The following STK31 variants were observed in gnomAD, a reference collection of about 807,000 sequenced individuals.
The protein encoded by STK31 is serine/threonine-protein kinase 31.
In STK31, 89 loss-of-function variants were observed where a neutral mutation model predicts 129.7. That is an observed-to-expected ratio of 0.69 (90% CI 0.58 to 0.82). The LOEUF (loss-of-function observed/expected upper bound fraction) is 0.82. Among genes scored for constraint, STK31 ranks in the 40% least tolerant of loss-of-function variants. The pLI, the probability that STK31 is intolerant of heterozygous loss-of-function variation, is 0.00. For synonymous variants in STK31, 448 were observed against 395.3 expected (o/e 1.13, Z -1.58); for missense variants, 1,187 against 1,176.4 (o/e 1.01, Z -0.13).
At chr7:23,778,594 C>G (rs1257366236) in intron 15 of STK31, among the ~76,000 whole-genome samples, 1 of 151,736 alleles carries the variant, frequency 6.6e-6, no homozygotes, top group Non-Finnish European at 1.5e-5. Flanking sequence ...TCTTCAATGT[C>G]TGATATCCTT....
chr7:23,791,451 C>T (rs985638843), intron 22 of STK31: 3 of 255,242 alleles, frequency 1.2e-5, no homozygotes, highest in Non-Finnish European at 1.8e-5. Flanking sequence ...AGAAGGGACA[C>T]TGGGGTCTAC....
At chr7:23,797,392 G>T (rs757428917) in intron 22 of STK31, among the ~76,000 whole-genome samples, 5 of 152,028 alleles carry the variant, frequency 3.3e-5, no homozygotes, top group Non-Finnish European at 5.9e-5. Context: ...AAATGCAAAA[G>T]AATGGAAATC....
chr7:23,727,334 A>G lies in STK31; in HGVS notation c.324+19A>G, dbSNP rs755561727. 1 of 1,609,756 alleles carries G rather than the reference A, an allele frequency of 6.2e-7. No individual in the cohort carries two copies. Among genetic ancestry groups the G allele is most frequent in the East Asian group, 2.2e-5 (1 of 44,668 alleles). ...TGAAAAGGCAGGAAATTAAGTGTTC[A>G]GTTTTTTTTTGCTTTAAGAAATATT... On this transcript the variant is annotated intron_variant, in intron 5 of 23. Coordinates refer to ENST00000355870, the MANE Select transcript of STK31 (RefSeq NM_031414.5).
At chr7:23,819,534 C>T (rs968873382) in intron 23 of STK31, among the ~76,000 whole-genome samples, 2 of 151,890 alleles carry the variant, frequency 1.3e-5, no homozygotes, top group Non-Finnish European at 2.9e-5. Context: ...CCTGCCTCAG[C>T]AGCTTGAGTA....
At chr7:23,803,576 A>C (rs569217375) in intron 22 of STK31, among the ~76,000 whole-genome samples, 1 of 152,188 alleles carries the variant, frequency 6.6e-6, no homozygotes, top group African/African-American at 2.4e-5. Flanking sequence ...GTAATAAACC[A>C]TATCTTTTTT....
chr7:23,808,137 A>C (rs1296072063), intron 22 of STK31, among the ~76,000 whole-genome samples: 1 of 139,578 alleles, frequency 7.2e-6, no homozygotes, highest in African/African-American at 2.7e-5. Flanking sequence ...TTGTGAGACT[A>C]TGAATCCTTT....
rs755141005 is a variant in STK31, at chr7:23,752,820, T to A, written c.1121T>A (p.Leu374Gln). Residue 374 changes from leucine to glutamine, a missense_variant, in exon 9 of 24, where the codon CTG becomes CAG. Transcript: ENST00000355870. The stretch of plus-strand genomic sequence containing the variant: ...AATCTGGCAGCTAAGATGGAAATAC[T>A]GAAAGAAATGAGGTAGGTAAAAGCA... ...MKNLAAKMEI[L>Q]KEMRHVDISV... 1 of 1,599,602 alleles carries A rather than the reference T, an allele frequency of 6.3e-7. No homozygotes were observed. Among genetic ancestry groups the A allele is most frequent in the Non-Finnish European group, 8.6e-7 (1 of 1,167,774 alleles).
chr7:23,770,071 A>T (rs1790088604), intron 13 of STK31, among the ~76,000 whole-genome samples: 1 of 152,196 alleles, frequency 6.6e-6, no homozygotes, highest in African/African-American at 2.4e-5. Context: ...TGAATGCGTC[A>T]TACCAAATGA....
At chr7:23,754,779 C>G (rs1436027250) in intron 10 of STK31, among the ~76,000 whole-genome samples, 2 of 151,974 alleles carry the variant, frequency 1.3e-5, no homozygotes, top group South Asian at 4.1e-4. Context: ...GTTAGTTTGC[C>G]GAAGATGATG....
At chr7:23,829,339 G>A (rs942761826) in intron 23 of STK31, among the ~76,000 whole-genome samples, 7 of 152,284 alleles carry the variant, frequency 4.6e-5, no homozygotes, top group African/African-American at 1.7e-4. Flanking sequence ...ATAAAGGGAT[G>A]TTTTAATCTA....
intron 8 of STK31, among the ~76,000 whole-genome samples, chr7:23,749,074 A>G (rs1435427905): frequency 1.3e-5 from 2 of 152,020 alleles, no homozygotes; most frequent in Non-Finnish European, 2.9e-5. Context: ...GTCATTTTTG[A>G]TTTCCGTTAC....
Position 23,785,589 on chromosome 7 carries a change from A to G in STK31, c.2260A>G (p.Ile754Val). The G allele has an allele frequency of 6.2e-7, 1 of 1,613,164 alleles. No homozygotes were observed. Among genetic ancestry groups the G allele is most frequent in the Non-Finnish European group, 8.5e-7 (1 of 1,179,308 alleles). Residue 754 changes from isoleucine (I) to valine (V), a missense_variant, in exon 18 of 24, where the codon ATA becomes GTA. Ile to Val is a conservative substitution (Grantham distance 29). This residue lies in a region of STK31 where 975 missense variants were observed against 934.9 expected (regional missense o/e 1.04). Coordinates refer to ENST00000355870, the MANE Select transcript of STK31 (RefSeq NM_031414.5). ...PLVRSEVNGQ[I>V]ILLKGYSVDV... Reference sequence around the variant, plus strand: ...GGTACGTTCTGAGGTTAATGGGCAGATAATTCTGTTAAAGGTAAGTCTAAC... The same window carrying G: ...GGTACGTTCTGAGGTTAATGGGCAGGTAATTCTGTTAAAGGTAAGTCTAAC...
chr7:23,725,659 G>A (rs1787017432), intron 4 of STK31, among the ~76,000 whole-genome samples: 1 of 152,152 alleles, frequency 6.6e-6, no homozygotes, highest in South Asian at 2.1e-4. Flanking sequence ...ATAAAGAAAA[G>A]AGGTTTATTT....
At chr7:23,805,272 C>T (rs1792631179) in intron 22 of STK31, among the ~76,000 whole-genome samples, 1 of 152,056 alleles carries the variant, frequency 6.6e-6, no homozygotes. Flanking sequence ...GATGGGGTTT[C>T]ACCATCTTGC....
chr7:23,783,587 T>A lies in STK31; in HGVS notation c.2072T>A (p.Met691Lys). The A allele has an allele frequency of 2.5e-6, 4 of 1,607,862 alleles. No homozygotes were observed. Residue 691 changes from methionine to lysine, a missense_variant, in exon 17 of 24, where the codon ATG becomes AAG. Transcript: ENST00000355870. ...EIYHEREEYEMLTSLAQKWFP... is the reference protein window; with the variant it reads ...EIYHEREEYEKLTSLAQKWFP... The stretch of plus-strand genomic sequence containing the variant: ...ACTTTTTTTTTTTAACTTTAGGAGA[T>A]GCTAACTAGTTTGGCACAGAAATGG...
intron 4 of STK31, chr7:23,722,756 C>T (rs1284309014): frequency 6.5e-6 from 1 of 152,806 alleles, no homozygotes; most frequent in African/African-American, 2.4e-5. Context: ...TTCCCGGTGG[C>T]TTTGTTTACC....
At chr7:23,828,022 G>A (rs565307892) in intron 23 of STK31, among the ~76,000 whole-genome samples, 8 of 152,208 alleles carry the variant, frequency 5.3e-5, no homozygotes, top group Admixed American at 5.2e-4. Context: ...GTGCCTCCCA[G>A]TTAGGCTACT....
At chr7:23,760,431 T>G (rs1046326040) in intron 10 of STK31, among the ~76,000 whole-genome samples, 1 of 152,158 alleles carries the variant, frequency 6.6e-6, no homozygotes, top group African/African-American at 2.4e-5. Flanking sequence ...ATTTTGGTTA[T>G]TTTACGTATT....
chr7:23,805,158 C>A (rs1792624325), intron 22 of STK31, among the ~76,000 whole-genome samples: 1 of 151,456 alleles, frequency 6.6e-6, no homozygotes, highest in Non-Finnish European at 1.5e-5. Flanking sequence ...TCACTGCAAC[C>A]TCTGCCTCCT....
Sources: gnomAD v4.1 joint callset for allele counts (sites outside exome capture counted in the v4.1 genomes callset) on GRCh38, gnomAD v4.1.1 for gene constraint, gnomAD v4.1.1 regional missense constraint, MANE v1.5 for transcripts, NCBI Gene and HGNC (gene_info 2026-07-23, HGNC 2026-07-21) for gene names.